Variants in TGM4 observed in about 807,000 individuals in gnomAD.
The protein encoded by TGM4 is protein-glutamine gamma-glutamyltransferase 4.
Under a neutral mutation model 76.3 loss-of-function variants are expected in TGM4, and 61 were observed. That is an observed-to-expected ratio of 0.80 (90% CI 0.65 to 0.99). The LOEUF is 0.99. TGM4 is among the 50% of genes least tolerant of loss of function. The pLI is 0.00. For synonymous variants in TGM4, 337 were observed against 329.8 expected (o/e 1.02, Z -0.24); for missense variants, 794 against 843.2 (o/e 0.94, Z 0.72).
chr3:44,880,669 A>G lies in TGM4; in HGVS notation c.20-4656A>G, dbSNP rs117320577. On this transcript the variant is annotated intron_variant, in intron 1 of 13. Coordinates refer to ENST00000296125, the MANE Select transcript of TGM4 (RefSeq NM_003241.4). ...CCAAGAGTCCTCTCCAGTGTCACAC[A>G]GGATGTGTTTAATTCCTTTAGCAAT... 7.5e-4 allele frequency among the ~76,000 whole-genome samples: 114 copies of G among 152,356 alleles called. 2 individuals carry two copies. The East Asian group carries it at 0.021, about 28-fold the overall frequency.
At chr3:44,898,889 G>A (rs1699816609) in intron 6 of TGM4, among the ~76,000 whole-genome samples, 1 of 152,070 alleles carries the variant, frequency 6.6e-6, no homozygotes, top group Non-Finnish European at 1.5e-5. Context: ...TCTAGCCCAG[G>A]GGCCAGCAGG....
intron 6 of TGM4, among the ~76,000 whole-genome samples, chr3:44,898,007 C>T (rs888678183): frequency 2.6e-5 from 4 of 152,266 alleles, no homozygotes; most frequent in Admixed American, 2.0e-4. Flanking sequence ...GACGGCCGGG[C>T]GTGGTGGCTC....
intron 5 of TGM4, among the ~76,000 whole-genome samples, chr3:44,896,112 A>G (rs887653228): frequency 1.3e-5 from 2 of 151,560 alleles, no homozygotes; most frequent in South Asian, 4.2e-4. Flanking sequence ...ATTTATTTTT[A>G]TTATTATTAT....
At chr3:44,884,247 C>T (rs528626260) in intron 1 of TGM4, among the ~76,000 whole-genome samples, 1 of 152,240 alleles carries the variant, frequency 6.6e-6, no homozygotes, top group East Asian at 1.9e-4. Context: ...TTTTACAACC[C>T]CCAGGTGGTT....
intron 2 of TGM4, among the ~76,000 whole-genome samples, chr3:44,886,851 T>C (rs1559611122): frequency 6.6e-6 from 1 of 152,284 alleles, no homozygotes; most frequent in East Asian, 1.9e-4. Context: ...CCAGATATGA[T>C]GAAGAAACCA....
chr3:44,888,326 C>T (rs147566353), intron 3 of TGM4: 135 of 155,890 alleles, frequency 8.7e-4, no homozygotes, highest in Non-Finnish European at 1.4e-3. Context: ...AACCATGTCT[C>T]GGCCAGATCT....
chr3:44,896,312 T>C (rs1260176562), intron 5 of TGM4, among the ~76,000 whole-genome samples: 1 of 152,196 alleles, frequency 6.6e-6, no homozygotes. Context: ...GGTTTCTCCA[T>C]GTTGGTCAGG....
intron 1 of TGM4, among the ~76,000 whole-genome samples, chr3:44,879,291 T>A (rs1194584562): frequency 2.3e-5 from 3 of 131,518 alleles, no homozygotes; most frequent in Non-Finnish European, 5.2e-5. Flanking sequence ...ATATATAGTT[T>A]ATTTAATTTA....
Position 44,893,565 on chromosome 3 carries a change from G to A in TGM4, c.431-12G>A, listed in dbSNP as rs1699732437. ...AGAATATAACCTCTGTGGATGTGTG[G>A]TCTTGCTTCAGAGGACATGGTTTTC... On this transcript the variant is annotated splice_polypyrimidine_tract_variant and intron_variant, in intron 4 of 13. Coordinates refer to ENST00000296125, the MANE Select transcript of TGM4 (RefSeq NM_003241.4). The A allele has an allele frequency of 6.2e-7, 1 of 1,609,438 alleles. No individual in the cohort carries two copies.
chr3:44,903,064 A>C (rs952662), intron 8 of TGM4, among the ~76,000 whole-genome samples: 2 of 152,142 alleles, frequency 1.3e-5, no homozygotes, highest in African/African-American at 4.8e-5. Flanking sequence ...TGTAGATGAT[A>C]TACAGTTGAC....
At chr3:44,875,979 C>CTTCT in intron 1 of TGM4, among the ~76,000 whole-genome samples, 1 of 152,094 alleles carries the variant, frequency 6.6e-6, no homozygotes, top group African/African-American at 2.4e-5. Flanking sequence ...TCTAAATAGC[C>CTTCT]CTGTGGCTTT....
At chr3:44,907,340 G>T in intron 10 of TGM4, 140 bp downstream of exon 10, 1 of 1,066,114 alleles carries the variant, frequency 9.4e-7, no homozygotes, top group Non-Finnish European at 1.3e-6. Flanking sequence ...AAAATTAGCT[G>T]GGTGTGGTGG....
chr3:44,911,261 C>G lies in TGM4; in HGVS notation c.1777-9C>G. 1 of 1,614,204 alleles carries G rather than the reference C, an allele frequency of 6.2e-7. No individual in the cohort carries two copies. The highest frequency in any genetic ancestry group is 8.5e-7 in the Non-Finnish European group (1 of 1,180,026). On this transcript the variant is annotated splice_polypyrimidine_tract_variant and intron_variant, in intron 12 of 13. Transcript: ENST00000296125. ...TCTCTCCCCATCTCTCCTCCCCACC[C>G]TACTACAGTTGCCTAACACAGGCAG...
At chr3:44,878,248 AAAAG>A (rs900857774) in intron 1 of TGM4, among the ~76,000 whole-genome samples, 6 of 151,466 alleles carry the variant, frequency 4.0e-5, no homozygotes, top group Non-Finnish European at 5.9e-5. Context: ...GAGAGGGAGA[AAAAG>A]AGAGAGAGAG....
Position 44,893,634 on chromosome 3 carries a change from C to G in TGM4, c.488C>G (p.Thr163Arg), listed in dbSNP as rs532678265. Residue 163 changes from threonine (T) to arginine (R), a missense_variant, in exon 5 of 14, where the codon ACG becomes AGG. Physicochemically the swap from Thr to Arg is moderately conservative, Grantham distance 71 (BLOSUM62 -1). Coordinates refer to ENST00000296125, the MANE Select transcript of TGM4 (RefSeq NM_003241.4). Reference protein sequence around the residue: ...DERKEYILNDTGCHYVGAARS... With the variant: ...DERKEYILNDRGCHYVGAARS... ...CGCAAAGAGTACATCCTCAATGACA[C>G]GGGCTGCCATTACGTGGGGGCTGCC... 6.2e-7 allele frequency: 1 copy of G among 1,613,898 alleles called. No homozygotes were observed. The highest frequency in any genetic ancestry group is 8.5e-7 in the Non-Finnish European group (1 of 1,179,880).
chr3:44,913,771 T>TAC lies in TGM4; in HGVS notation c.*47_*48dup. The stretch of plus-strand genomic sequence containing the variant: ...CCTTAGTTGAGATTTCAGCATTTCC[T>TAC]ACCTTGTGCTTAGCTTTCAGATTAT... On this transcript the variant is annotated 3_prime_UTR_variant, in exon 14 of 14. Coordinates refer to ENST00000296125, the MANE Select transcript of TGM4 (RefSeq NM_003241.4). The TAC allele has an allele frequency of 6.3e-7, 1 of 1,584,944 alleles. No homozygotes were observed.
intron 3 of TGM4, 68 bp downstream of exon 3, chr3:44,887,863 C>T: frequency 7.3e-7 from 1 of 1,376,210 alleles, no homozygotes; most frequent in South Asian, 1.2e-5. Flanking sequence ...TGTGAGCAGC[C>T]CCTATCCCCT....
chr3:44,876,405 C>T (rs926079947), intron 1 of TGM4: 28 of 152,212 alleles, frequency 1.8e-4, no homozygotes, highest in African/African-American at 6.8e-4. Context: ...AATATGATTT[C>T]ATTTGTTCTT....
chr3:44,883,118 C>T (rs1353428865), intron 1 of TGM4, among the ~76,000 whole-genome samples: 1 of 152,194 alleles, frequency 6.6e-6, no homozygotes, highest in Non-Finnish European at 1.5e-5. Flanking sequence ...ACTGTTAAAG[C>T]CCTTTTCCAG....
Sources: gnomAD v4.1 joint callset for allele counts (sites outside exome capture counted in the v4.1 genomes callset) on GRCh38, gnomAD v4.1.1 for gene constraint, MANE v1.5 for transcripts, NCBI Gene and HGNC (gene_info 2026-07-23, HGNC 2026-07-21) for gene names.